IMPACT: variants seen among roughly 807,000 people sequenced by gnomAD.
IMPACT encodes the protein protein IMPACT.
A neutral mutation model predicts 47.5 loss-of-function variants in IMPACT; 35 were observed. The observed-to-expected ratio is 0.74, with a 90% CI of 0.56 to 0.98. The LOEUF is 0.98. IMPACT is among the 50% of genes least tolerant of loss of function. The probability of loss-of-function intolerance (pLI) is 0.00; values close to 1 mark genes in which losing one functional copy is unlikely to be tolerated. For synonymous variants in IMPACT, 118 were observed against 125.6 expected, an observed-to-expected ratio of 0.94 and a Z score of 0.40; for missense variants, 373 against 394.8, an observed-to-expected ratio of 0.94 and a Z score of 0.47.
intron 5 of IMPACT, among the ~76,000 whole-genome samples, chr18:24,438,822 T>C (rs618229): frequency 0.12 from 18,950 of 152,172 alleles, 1,479 homozygotes; most frequent in Non-Finnish European, 0.16. Flanking sequence ...TACGGTGGTG[T>C]TCGCCAAATG....
rs1909439248 is a variant in IMPACT, at chr18:24,453,443, T to G, written c.*2596T>G. The G allele has an allele frequency of 6.6e-6, 1 of 152,230 alleles. No individual in the cohort carries two copies. Among genetic ancestry groups the G allele is most frequent in the Non-Finnish European group, 1.5e-5 (1 of 68,034 alleles). 9.4% of individuals were successfully genotyped at this position (152,230 alleles called of 1,614,324 possible). On this transcript the variant is annotated 3_prime_UTR_variant, in exon 11 of 11. Coordinates refer to ENST00000284202, the MANE Select transcript of IMPACT (RefSeq NM_018439.4). The stretch of plus-strand genomic sequence containing the variant: ...TCTTTCCATAAAAATGGTATTAAAC[T>G]GTATATACTGTTTTGTAGCCTACAT...
chr18:24,441,473 C>G (rs567163029), intron 6 of IMPACT, among the ~76,000 whole-genome samples: 52 of 152,338 alleles, frequency 3.4e-4, no homozygotes, highest in Non-Finnish European at 6.9e-4. Context: ...TGAGCCACCA[C>G]GCCCGGCCTA....
intron 8 of IMPACT, 59 bp from the exon 9 acceptor site, chr18:24,448,034 A>ATC: frequency 1.0e-6 from 1 of 961,778 alleles, no homozygotes. Context: ...AATGTTGAGG[A>ATC]ATAAGTTTTA....
At chr18:24,428,068 G>C (rs776758627) in intron 2 of IMPACT, 21 bp downstream of exon 2, 1 of 1,558,518 alleles carries the variant, frequency 6.4e-7, no homozygotes, top group Non-Finnish European at 8.6e-7. Context: ...CCCCTTCCTT[G>C]CAGCCATCTT....
rs201216326 is a variant in IMPACT, at chr18:24,445,382, C to G, written c.595-11C>G. On this transcript the variant is annotated splice_polypyrimidine_tract_variant and intron_variant, in intron 7 of 10. Transcript: ENST00000284202. ...AAAAGCATACTTATTTATATTATTGCTGTTTTTAAGGTGAAAATGGTTCTT... is the reference window on the plus strand; with the variant it reads ...AAAAGCATACTTATTTATATTATTGGTGTTTTTAAGGTGAAAATGGTTCTT... The G allele has an allele frequency of 8.5e-5, 127 of 1,488,302 alleles. 1 individual carries two copies. The highest frequency in any genetic ancestry group is 1.0e-4 in the Non-Finnish European group (109 of 1,080,340). 92.2% of individuals were successfully genotyped at this position (1,488,302 alleles called of 1,614,324 possible).
rs868122693 is a variant in IMPACT, at chr18:24,452,759, A to G, written c.*1912A>G. The G allele has an allele frequency of 3.9e-5, 6 of 152,266 alleles. No homozygotes were observed. The highest frequency in any genetic ancestry group is 3.4e-3 in the Middle Eastern group (1 of 294). The allele number at this position is 152,266 out of a possible 1,614,324, so 9.4% of individuals were successfully genotyped here. On this transcript the variant is annotated 3_prime_UTR_variant, in exon 11 of 11. Transcript: ENST00000284202. ...TCAGTTCTCCATATAATAATTTTCT[A>G]CAATCAGATCTATGCTGTGGCATAT...
Position 24,438,059 on chromosome 18 carries a change from A to T in IMPACT, c.367+19A>T. The T allele has an allele frequency of 9.1e-7, 1 of 1,094,216 alleles. No individual in the cohort carries two copies. Among genetic ancestry groups the T allele is most frequent in the Non-Finnish European group, 1.4e-6 (1 of 732,146 alleles). 67.8% of individuals were successfully genotyped at this position (1,094,216 alleles called of 1,614,324 possible). On this transcript the variant is annotated intron_variant, in intron 5 of 10. Coordinates refer to ENST00000284202, the MANE Select transcript of IMPACT (RefSeq NM_018439.4). ...GAACCAGGTAGGATTGAAAAATACT[A>T]TCAATACTCTTTTAACTTATAATAA...
rs1360253219 is a variant in IMPACT, at chr18:24,451,392, A to T, written c.*545A>T. The T allele has an allele frequency of 6.6e-6, 1 of 152,224 alleles. No individual in the cohort carries two copies. The highest frequency in any genetic ancestry group is 1.9e-4 in the East Asian group (1 of 5,204). The allele number at this position is 152,224 out of a possible 1,614,324, so 9.4% of individuals were successfully genotyped here. A position where few individuals can be genotyped will look rare whatever the true frequency, so the allele number is the denominator to read the frequency against. On this transcript the variant is annotated 3_prime_UTR_variant, in exon 11 of 11. Coordinates refer to ENST00000284202, the MANE Select transcript of IMPACT (RefSeq NM_018439.4). The stretch of plus-strand genomic sequence containing the variant: ...TCATTGAGTAATGGATTAAGTGAAA[A>T]TCCAGGAGTATCCATCTGCAGTTAT...
Position 24,427,970 on chromosome 18 carries a change from A to G in IMPACT, c.88A>G (p.Ile30Val), listed in dbSNP as rs1364340716. 8.1e-6 allele frequency: 13 copies of G among 1,603,746 alleles called. No individual in the cohort carries two copies. Among genetic ancestry groups the G allele is most frequent in the South Asian group, 1.1e-5 (1 of 88,780 alleles). The stretch of plus-strand genomic sequence containing the variant: ...CATTTATGGCGAGGAGTGGTGTGTC[A>G]TTGATGACTGTGCCAAAATATTTTG... ...AAIYGEEWCV[I>V]DDCAKIFCIR... The change falls in exon 2 of 11, where the codon ATT becomes GTT. Residue 30 changes from isoleucine (I) to valine (V), a missense_variant. Physicochemically the swap from Ile to Val is conservative, Grantham distance 29. Coordinates refer to ENST00000284202, the MANE Select transcript of IMPACT (RefSeq NM_018439.4).
intron 6 of IMPACT, among the ~76,000 whole-genome samples, chr18:24,442,384 A>T (rs1480132486): frequency 6.6e-6 from 1 of 151,862 alleles, no homozygotes; most frequent in Non-Finnish European, 1.5e-5. Flanking sequence ...AAACTCCTGA[A>T]CTCAGGTGAT....
At chr18:24,437,894 T>A (rs1299820148) in intron 4 of IMPACT, 61 bp from the exon 5 acceptor site, 14 of 809,332 alleles carry the variant, frequency 1.7e-5, no homozygotes, top group Non-Finnish European at 2.8e-5. Context: ...CTGTATCTTC[T>A]TGAATTTGAG....
intron 7 of IMPACT, 21 bp from the exon 8 acceptor site, chr18:24,445,372 T>A (rs749903775): frequency 7.2e-7 from 1 of 1,380,362 alleles, no homozygotes; most frequent in Non-Finnish European, 1.0e-6. Flanking sequence ...CATACTTATT[T>A]ATATTATTGC....
At position 24,453,219 on chromosome 18, in the gene IMPACT, G is replaced by A. The variant is rs1909430490; in HGVS notation, c.*2372G>A. 6.6e-6 allele frequency: 1 copy of A among 152,214 alleles called. No individual in the cohort carries two copies. Among genetic ancestry groups the A allele is most frequent in the Non-Finnish European group, 1.5e-5 (1 of 68,034 alleles). 9.4% of individuals were successfully genotyped at this position (152,214 alleles called of 1,614,324 possible). On this transcript the variant is annotated 3_prime_UTR_variant, in exon 11 of 11. Coordinates refer to ENST00000284202, the MANE Select transcript of IMPACT (RefSeq NM_018439.4). ...TATAGTGAAACAGAGCCTTTCTGAA[G>A]AGAATTATATCAAACTAATTACAAC...
At chr18:24,428,728 G>A (rs1157067661) in intron 2 of IMPACT, 141 bp from the exon 3 acceptor site, 3 of 587,590 alleles carry the variant, frequency 5.1e-6, no homozygotes, top group Non-Finnish European at 9.1e-6. Context: ...TGGGGTCAGG[G>A]TATAATGTCC....
chr18:24,431,833 A>G (rs1274655643), intron 4 of IMPACT, among the ~76,000 whole-genome samples: 2 of 151,752 alleles, frequency 1.3e-5, no homozygotes, highest in African/African-American at 4.8e-5. Context: ...TCCTGAGTAG[A>G]TGGGACTACA....
At chr18:24,446,190 G>A (rs946110256) in intron 8 of IMPACT, among the ~76,000 whole-genome samples, 6 of 151,882 alleles carry the variant, frequency 4.0e-5, no homozygotes, top group Non-Finnish European at 8.8e-5. Context: ...AGCCTCCCAC[G>A]TTAACTGGGA....
At chr18:24,434,791 ATATATG>A (rs1381864066) in intron 4 of IMPACT, among the ~76,000 whole-genome samples, 2 of 114,360 alleles carry the variant, frequency 1.7e-5, no homozygotes, top group African/African-American at 3.0e-5. Context: ...ATATATATAT[ATATATG>A]TGTGTGTGTG....
rs1271785204 is a variant in IMPACT, at chr18:24,440,600, A to G, written c.472A>G (p.Ile158Val). 1.9e-6 allele frequency: 3 copies of G among 1,613,022 alleles called. No homozygotes were observed. Among genetic ancestry groups the G allele is most frequent in the Non-Finnish European group, 2.5e-6 (3 of 1,179,558 alleles). The stretch of plus-strand genomic sequence containing the variant: ...TTCGCTTAAAGCATTGGATTTTGAT[A>G]TCAGTGAAACTCGGACAGGTATAAT... The part of the protein sequence containing the change: ...ESSLKALDFD[I>V]SETRTEVEVE... Residue 158 changes from isoleucine to valine, a missense_variant, in exon 6 of 11, where the codon ATC becomes GTC. By Grantham distance (29) the Ile-to-Val change is conservative (BLOSUM62 3). Transcript: ENST00000284202.
Position 24,452,652 on chromosome 18 carries a change from C to G in IMPACT, c.*1805C>G, listed in dbSNP as rs1041469774. 1 of 152,124 alleles carries G rather than the reference C, an allele frequency of 6.6e-6. No homozygotes were observed. Among genetic ancestry groups the G allele is most frequent in the Non-Finnish European group, 1.5e-5 (1 of 68,016 alleles). 9.4% of individuals were successfully genotyped at this position (152,124 alleles called of 1,614,324 possible). A position where few individuals can be genotyped will look rare whatever the true frequency, so the allele number is the denominator to read the frequency against. On this transcript the variant is annotated 3_prime_UTR_variant, in exon 11 of 11. Coordinates refer to ENST00000284202, the MANE Select transcript of IMPACT (RefSeq NM_018439.4). ...TCTGAACTTGGAGCTACTTCACACT[C>G]TACTCTTAATGGAAACTTGAACTAA...
Sources: gnomAD v4.1 joint callset for allele counts (sites outside exome capture counted in the v4.1 genomes callset) on GRCh38, gnomAD v4.1.1 for gene constraint, MANE v1.5 for transcripts, NCBI Gene and HGNC (gene_info 2026-07-23, HGNC 2026-07-21) for gene names.